The following IQCH variants were observed in gnomAD, a reference collection of about 807,000 sequenced individuals.
IQCH encodes the protein IQ domain-containing protein H.
A neutral mutation model predicts 117.0 loss-of-function variants in IQCH; 98 were observed. The observed-to-expected ratio is 0.84, with a 90% CI of 0.71 to 0.99. The LOEUF (loss-of-function observed/expected upper bound fraction) is 0.99, where lower values mean the gene tolerates loss of function less well. Ranked by LOEUF, IQCH falls within the 50% of genes least tolerant of loss-of-function variation. The probability of loss-of-function intolerance (pLI) is 0.00; values close to 1 mark genes in which losing one functional copy is unlikely to be tolerated. For synonymous variants in IQCH, 412 were observed against 448.2 expected, an observed-to-expected ratio of 0.92 and a Z score of 1.02; for missense variants, 1,102 against 1,243.8, an observed-to-expected ratio of 0.89 and a Z score of 1.72.
At chr15:67,304,202 C>A in intron 4 of IQCH, 1 of 537,884 alleles carries the variant, frequency 1.9e-6, no homozygotes, top group East Asian at 3.1e-5. Context: ...AATAAAAGAT[C>A]CAAATATATT....
In IQCH at chr15:67,475,008, G is replaced by A. The variant is rs1176274980; in HGVS notation, c.2677-688G>A. Among the ~76,000 whole-genome samples the A allele has an allele frequency of 1.3e-5, 2 of 152,124 alleles. No homozygotes were observed. Among genetic ancestry groups the A allele is most frequent in the Non-Finnish European group, 2.9e-5 (2 of 68,028 alleles). On this transcript the variant is annotated intron_variant, in intron 17 of 20. Coordinates refer to ENST00000335894, the MANE Select transcript of IQCH (RefSeq NM_001031715.3). The surrounding 1 kb of genome is among the most constrained non-coding windows in gnomAD (Gnocchi z 5.7). ...ACAAAATGCTTGCCCATTACTCCTCGGAACTGTTAAGATCATCAAACCACA... is the reference window on the plus strand; with the variant it reads ...ACAAAATGCTTGCCCATTACTCCTCAGAACTGTTAAGATCATCAAACCACA...
intron 1 of IQCH, among the ~76,000 whole-genome samples, chr15:67,255,774 C>T (rs573061976): frequency 6.6e-6 from 1 of 152,174 alleles, no homozygotes; most frequent in African/African-American, 2.4e-5. Context: ...GAATTTTGAT[C>T]TCTTACCTCC....
In IQCH at chr15:67,359,633, T is replaced by C. The variant is rs1481008499; in HGVS notation, c.715-214T>C. Among the ~76,000 whole-genome samples the C allele has an allele frequency of 6.6e-6, 1 of 152,260 alleles. No individual in the cohort carries two copies. Among genetic ancestry groups the C allele is most frequent in the Non-Finnish European group, 1.5e-5 (1 of 68,042 alleles). ...TAAATATTTACTTAATCAAACTCTT[T>C]CTTCAAAGCAAACGGGGCTTGGCAA... On this transcript the variant is annotated intron_variant, in intron 7 of 20. Coordinates refer to ENST00000335894, the MANE Select transcript of IQCH (RefSeq NM_001031715.3). The surrounding 1 kb of genome is among the most constrained non-coding windows in gnomAD (Gnocchi z 4.5).
At chr15:67,400,873 A>AT (rs369984313) in intron 14 of IQCH, among the ~76,000 whole-genome samples, 4 of 151,640 alleles carry the variant, frequency 2.6e-5, no homozygotes, top group Non-Finnish European at 4.4e-5. Context: ...TTAGGAAGTA[A>AT]TTTTTTTTAT....
At chr15:67,300,441 T>C (rs1246952676) in intron 4 of IQCH, among the ~76,000 whole-genome samples, 2 of 152,220 alleles carry the variant, frequency 1.3e-5, no homozygotes, top group Admixed American at 1.3e-4. Flanking sequence ...AATCAGGACT[T>C]GACGTCTATT....
At position 67,263,215 on chromosome 15, in the gene IQCH, T is replaced by A. The variant is rs1596054244; in HGVS notation, c.268T>A (p.Trp90Arg). Residue 90 changes from tryptophan to arginine, a missense_variant and splice_region_variant, in exon 3 of 21, where the codon TGG becomes AGG. Physicochemically the swap from Trp to Arg is moderately radical, Grantham distance 101. Around this residue, in one of 2 missense-constraint regions of IQCH, gnomAD observed 452 missense variants for 449.6 expected, o/e 1.01. Coordinates refer to ENST00000335894, the MANE Select transcript of IQCH (RefSeq NM_001031715.3). ...CTTATATACTCCCCAGGCTTCCAAA[T>A]GGTAAGTAAAATAGCCATTTAGAGC... is the stretch of plus-strand genomic sequence containing the variant. ...ESLYTPQASK[W>R]LLPTVIDQKS... 4 of 1,508,852 alleles carry A rather than the reference T, an allele frequency of 2.7e-6. No homozygotes were observed. The Middle Eastern group carries it at 5.1e-4, about 193-fold the overall frequency. The allele number at this position is 1,508,852 out of a possible 1,614,324, so 93.5% of individuals were successfully genotyped here. A position where few individuals can be genotyped will look rare whatever the true frequency, so the allele number is the denominator to read the frequency against.
At chr15:67,266,147 T>G (rs2140441352) in intron 3 of IQCH, among the ~76,000 whole-genome samples, 1 of 150,304 alleles carries the variant, frequency 6.7e-6, no homozygotes, top group African/African-American at 2.4e-5. Flanking sequence ...ATAAATTATA[T>G]ATTTTTATTA....
chr15:67,475,748 A>C lies in IQCH; in HGVS notation c.2729A>C (p.Asn910Thr). The C allele has an allele frequency of 6.2e-7, 1 of 1,614,138 alleles. No homozygotes were observed. Among genetic ancestry groups the C allele is most frequent in the South Asian group, 1.1e-5 (1 of 91,076 alleles). ...AVMTTQLRHS[N>T]LSLVFHYVFL... ...ATGACCACCCAGCTAAGACACAGCA[A>C]TCTCTCACTGGTTTTCCACTATGTT... Residue 910 changes from asparagine to threonine, a missense_variant, in exon 18 of 21, where the codon AAT becomes ACT. Coordinates refer to ENST00000335894, the MANE Select transcript of IQCH (RefSeq NM_001031715.3). The surrounding 1 kb of genome is among the most constrained non-coding windows in gnomAD (Gnocchi z 5.7).
rs35445898 is a variant in IQCH at position 67,329,821 on chromosome 15, T to TACACACAC, written c.388-7136_388-7129dup. On this transcript the variant is annotated intron_variant, in intron 4 of 20. Transcript: ENST00000335894. The stretch of plus-strand genomic sequence containing the variant: ...AAATAATTCAAATTTGAGTGAATTA[T>TACACACAC]ACACACACACACACACACACACACA... Among the ~76,000 whole-genome samples the TACACACAC allele has an allele frequency of 5.1e-3, 762 of 148,946 alleles. 10 individuals are homozygous for TACACACAC. The highest frequency in any genetic ancestry group is 0.015 in the African/African-American group (629 of 40,656).
In IQCH at chr15:67,384,833, T is replaced by C; in HGVS notation, c.1373-103T>C. 1 of 757,224 alleles carries C rather than the reference T, an allele frequency of 1.3e-6. No individual in the cohort carries two copies. The highest frequency in any genetic ancestry group is 2.3e-6 in the Non-Finnish European group (1 of 430,638). 46.9% of individuals were successfully genotyped at this position (757,224 alleles called of 1,614,324 possible). ...TTTCTGTAAGATGCTTCAGAGAAAA[T>C]TTTTTCCTGGAAATATGGACTGTGA... is the stretch of plus-strand genomic sequence containing the variant. On this transcript the variant is annotated intron_variant, in intron 10 of 20. Transcript: ENST00000335894. The surrounding 1 kb of genome is among the most constrained non-coding windows in gnomAD (Gnocchi z 4.3).
At chr15:67,271,671 T>C (rs963102551) in intron 3 of IQCH, among the ~76,000 whole-genome samples, 1 of 152,182 alleles carries the variant, frequency 6.6e-6, no homozygotes, top group African/African-American at 2.4e-5. Flanking sequence ...GGAATTTATC[T>C]GTTCCTTCTA....
chr15:67,294,690 G>A (rs1966842519), intron 4 of IQCH, among the ~76,000 whole-genome samples: 1 of 152,220 alleles, frequency 6.6e-6, no homozygotes. Flanking sequence ...AAGAGAGAAA[G>A]GAACTGGGCC....
At chr15:67,396,410 G>A (rs4776357) in intron 13 of IQCH, among the ~76,000 whole-genome samples, 151,330 of 152,302 alleles carry the variant, frequency 0.99, 75,192 homozygotes, top group Middle Eastern at 1. Flanking sequence ...AAAACTGTCT[G>A]TTTTCGTTTT....
intron 4 of IQCH, among the ~76,000 whole-genome samples, chr15:67,301,089 A>G (rs1460895410): frequency 6.6e-6 from 1 of 152,196 alleles, no homozygotes; most frequent in African/African-American, 2.4e-5. Context: ...GTGACTCAAG[A>G]TGGATTACAT....
Position 67,390,291 on chromosome 15 carries a change from T to C in IQCH, c.1632+1285T>C, listed in dbSNP as rs557663686. Among the ~76,000 whole-genome samples the C allele has an allele frequency of 1.3e-5, 2 of 152,270 alleles. No homozygotes were observed. Among genetic ancestry groups the C allele is most frequent in the Admixed American group, 1.3e-4 (2 of 15,292 alleles). ...TTAGGGTGCAAGGAAGAAAAAGAAC[T>C]ACCATTAGTGTTTAGTTAAATTCCT... On this transcript the variant is annotated intron_variant, in intron 12 of 20. Coordinates refer to ENST00000335894, the MANE Select transcript of IQCH (RefSeq NM_001031715.3). This position sits in a 1 kb window ranked among gnomAD's most constrained non-coding sequence, Gnocchi z 5.0.
Position 67,401,427 on chromosome 15 carries a change from C to G in IQCH, c.2097+1122C>G, listed in dbSNP as rs967964873. Among the ~76,000 whole-genome samples, 2 of 152,336 alleles carry G rather than the reference C, an allele frequency of 1.3e-5. No homozygotes were observed. The highest frequency in any genetic ancestry group is 1.3e-4 in the Admixed American group (2 of 15,292). On this transcript the variant is annotated intron_variant, in intron 14 of 20. Transcript: ENST00000335894. This position sits in a 1 kb window ranked among gnomAD's most constrained non-coding sequence, Gnocchi z 4.7. ...AAAGCATAACCGATTAGGAAAATCA[C>G]AATGCAAATTCCCTTAACTGGTTCC... is the stretch of plus-strand genomic sequence containing the variant.
chr15:67,460,414 T>G (rs756076704), intron 16 of IQCH, among the ~76,000 whole-genome samples: 1 of 152,194 alleles, frequency 6.6e-6, no homozygotes, highest in African/African-American at 2.4e-5. Context: ...CTATCCTCCT[T>G]TTGCTGTTTT....
At chr15:67,344,254 T>G in intron 6 of IQCH, 63 bp downstream of exon 6, 1 of 1,536,608 alleles carries the variant, frequency 6.5e-7, no homozygotes, top group Non-Finnish European at 8.8e-7. Context: ...GCCCCAGATC[T>G]AGCCTTCTAG....
intron 13 of IQCH, among the ~76,000 whole-genome samples, chr15:67,396,052 T>G (rs1971459948): frequency 6.6e-6 from 1 of 152,238 alleles, no homozygotes. Flanking sequence ...CCAAACTATT[T>G]ACTCATTTGG....
Sources: gnomAD v4.1 joint callset for allele counts (sites outside exome capture counted in the v4.1 genomes callset) on GRCh38, gnomAD v4.1.1 for gene constraint, gnomAD v4.1.1 regional missense constraint, Gnocchi (gnomAD v3.1) non-coding constraint, MANE v1.5 for transcripts, NCBI Gene and HGNC (gene_info 2026-07-23, HGNC 2026-07-21) for gene names.